CLYBL: variants seen among roughly 807,000 people sequenced by gnomAD.
CLYBL encodes the protein citramalyl-CoA lyase, also known as citramalyl-CoA lyase, mitochondrial.
Under a neutral mutation model 38.9 loss-of-function variants are expected in CLYBL, and 31 were observed. That is an observed-to-expected ratio of 0.80 (90% CI 0.60 to 1.08). CLYBL has a LOEUF of 1.08. Among genes scored for constraint, CLYBL ranks in the 50% least tolerant of loss-of-function variants. CLYBL has a pLI of 0.00. For synonymous variants in CLYBL, 171 were observed against 158.6 expected (o/e 1.08, Z -0.59); for missense variants, 434 against 411.6 (o/e 1.05, Z -0.47).
intron 1 of CLYBL, among the ~76,000 whole-genome samples, chr13:99,736,863 G>A (rs1220192089): frequency 6.6e-6 from 1 of 152,140 alleles, no homozygotes; most frequent in African/African-American, 2.4e-5. Flanking sequence ...CCCCAAGGCT[G>A]AATTTTGTCC....
chr13:99,681,190 A>G (rs1358591841), intron 1 of CLYBL, among the ~76,000 whole-genome samples: 2 of 152,182 alleles, frequency 1.3e-5, no homozygotes, highest in Non-Finnish European at 2.9e-5. Context: ...GAGATAAAGT[A>G]CGTTATTGGG....
At chr13:99,861,579 C>G (rs1040811983) in intron 3 of CLYBL, among the ~76,000 whole-genome samples, 3 of 152,178 alleles carry the variant, frequency 2.0e-5, no homozygotes, top group Non-Finnish European at 4.4e-5. Flanking sequence ...TAAATTGTCA[C>G]CCCCTGCTCC....
At chr13:99,751,716 G>A (rs9557288) in intron 1 of CLYBL, among the ~76,000 whole-genome samples, 25,645 of 152,146 alleles carry the variant, frequency 0.17, 3,020 homozygotes, top group East Asian at 0.37. Context: ...TTTGCAAGAT[G>A]AAGAGTTCTG....
Position 99,887,291 on chromosome 13 carries a change from C to G in CLYBL, c.928-4027C>G, listed in dbSNP as rs2052374755. On this transcript the variant is annotated intron_variant, in intron 7 of 8. Transcript: ENST00000339105. ...GGGTCACAGAACACACTCAGAGAAC[C>G]CTTTTCAATCACCAGGCCCCTAAGA... Among the ~76,000 whole-genome samples, 4 of 152,126 alleles carry G rather than the reference C, an allele frequency of 2.6e-5. No individual in the cohort carries two copies. In the South Asian group the frequency reaches 8.3e-4, roughly 32 times the overall value.
At chr13:99,645,057 A>G (rs946039306) in intron 1 of CLYBL, among the ~76,000 whole-genome samples, 6 of 152,158 alleles carry the variant, frequency 3.9e-5, no homozygotes, top group Non-Finnish European at 7.4e-5. Flanking sequence ...GCTGGGTCAT[A>G]TGGTAGTTCT....
intron 2 of CLYBL, among the ~76,000 whole-genome samples, chr13:99,818,548 T>C (rs2050509085): frequency 6.6e-6 from 1 of 152,056 alleles, no homozygotes. Context: ...ACTACTATTA[T>C]GCTAATCCTC....
At chr13:99,674,208 A>G (rs777956493) in intron 1 of CLYBL, among the ~76,000 whole-genome samples, 9 of 126,832 alleles carry the variant, frequency 7.1e-5, no homozygotes, top group African/African-American at 1.3e-4. Context: ...CTGGAGTGCA[A>G]TGGTGTGGTC....
At chr13:99,880,050 G>GTATA (rs4001018) in intron 7 of CLYBL, among the ~76,000 whole-genome samples, 3,799 of 97,408 alleles carry the variant, frequency 0.039, 323 homozygotes, top group African/African-American at 0.13. Context: ...ATGTGTGTAT[G>GTATA]TATATATATA....
At chr13:99,867,291 T>A (rs1418910668) in intron 6 of CLYBL, among the ~76,000 whole-genome samples, 4 of 152,212 alleles carry the variant, frequency 2.6e-5, no homozygotes, top group African/African-American at 9.7e-5. Context: ...ATTCCTGTTA[T>A]AACTGTTTTT....
Position 99,671,648 on chromosome 13 carries a change from T to C in CLYBL, c.62+64891T>C, listed in dbSNP as rs555211157. Among the ~76,000 whole-genome samples, 3 of 151,982 alleles carry C rather than the reference T, an allele frequency of 2.0e-5. No individual in the cohort carries two copies. In the South Asian group the frequency reaches 6.2e-4, roughly 32 times the overall value. ...TACAAAAATTAGCCAGGTGTGATGGTGCGTGCCTGTAATCCCAGCTACTCG... is the reference window on the plus strand; with the variant it reads ...TACAAAAATTAGCCAGGTGTGATGGCGCGTGCCTGTAATCCCAGCTACTCG... On this transcript the variant is annotated intron_variant, in intron 1 of 8. Transcript: ENST00000339105.
At chr13:99,672,030 G>A (rs949240792) in intron 1 of CLYBL, among the ~76,000 whole-genome samples, 3 of 152,130 alleles carry the variant, frequency 2.0e-5, no homozygotes, top group African/African-American at 7.2e-5. Flanking sequence ...TGATTCTTGA[G>A]TGATGGGTAT....
chr13:99,716,169 ATTTTTTTTTTTTTTTTTTTT>A (rs4001024), intron 1 of CLYBL, among the ~76,000 whole-genome samples: 421 of 33,470 alleles, frequency 0.013, 14 homozygotes, highest in African/African-American at 0.036. Context: ...TATTGGTGTA[ATTTTTTTTTTTTTTTTTTTT>A]TTTTTTTTTT....
intron 1 of CLYBL, among the ~76,000 whole-genome samples, chr13:99,653,957 C>T (rs1399116301): frequency 6.6e-6 from 1 of 152,176 alleles, no homozygotes; most frequent in Non-Finnish European, 1.5e-5. Flanking sequence ...CTTCCCCCCT[C>T]ACTTGAAACA....
At chr13:99,899,024 T>C (rs1178567364), downstream of CLYBL, among the ~76,000 whole-genome samples, 1 of 152,222 alleles carries the variant, frequency 6.6e-6, no homozygotes, top group Non-Finnish European at 1.5e-5. Context: ...ATGCTGGCTC[T>C]ACCACTAATG....
At chr13:99,635,305 G>GC (rs919248401) in intron 1 of CLYBL, among the ~76,000 whole-genome samples, 1 of 151,722 alleles carries the variant, frequency 6.6e-6, no homozygotes, top group African/African-American at 2.4e-5. Flanking sequence ...TCTGCACCAC[G>GC]CCCCCCACAC....
chr13:99,865,468 A>G lies in CLYBL; in HGVS notation c.634+557A>G, dbSNP rs2139227775. ...CACCATCCCTTGTGAGCTGCACTTG[A>G]GGGGTCTGCATGTTTGACTGGAGAC... is the stretch of plus-strand genomic sequence containing the variant. On this transcript the variant is annotated intron_variant, in intron 5 of 8. Coordinates refer to ENST00000339105, the MANE Select transcript of CLYBL (RefSeq NM_206808.5). The surrounding 1 kb of genome is among the most constrained non-coding windows in gnomAD (Gnocchi z 4.7). Among the ~76,000 whole-genome samples the G allele has an allele frequency of 6.6e-6, 1 of 152,268 alleles. No homozygotes were observed. The highest frequency in any genetic ancestry group is 2.1e-4 in the South Asian group (1 of 4,818).
rs1207892389 is a variant in CLYBL at position 99,832,999 on chromosome 13, CATACATACATATATATAT to C, written c.250-25858_250-25841del. ...CATTTCATTAAGTAGTATATACATACATACATACATATATATATATATATATATATATTTTTTTTTTTT... is the reference window on the plus strand; with the variant it reads ...CATTTCATTAAGTAGTATATACATACATATATATATATATTTTTTTTTTTT... On this transcript the variant is annotated intron_variant, in intron 2 of 8. Transcript: ENST00000339105. Among the ~76,000 whole-genome samples the C allele has an allele frequency of 2.0e-4, 11 of 53,680 alleles. 2 individuals carry two copies. Among genetic ancestry groups the C allele is most frequent in the East Asian group, 7.7e-4 (1 of 1,292 alleles). The allele number at this position is 53,680 out of a possible 152,430, so 35.2% of individuals were successfully genotyped here. A position where few individuals can be genotyped will look rare whatever the true frequency, so the allele number is the denominator to read the frequency against.
intron 1 of CLYBL, among the ~76,000 whole-genome samples, chr13:99,670,006 AACATAGTG>A (rs1297261585): frequency 2.0e-5 from 3 of 149,804 alleles, no homozygotes; most frequent in African/African-American, 7.4e-5. Context: ...CAGCCTGGCC[AACATAGTG>A]AAACCCCGTC....
intron 1 of CLYBL, among the ~76,000 whole-genome samples, chr13:99,736,389 A>G (rs2048668822): frequency 6.6e-6 from 1 of 151,868 alleles, no homozygotes; most frequent in Non-Finnish European, 1.5e-5. Context: ...ATCTCATTGG[A>G]GAGCAAAAGA....
Sources: allele counts gnomAD v4.1 joint callset (sites outside exome capture counted in the v4.1 genomes callset), GRCh38; gene constraint gnomAD v4.1.1; non-coding constraint Gnocchi (gnomAD v3.1); transcripts MANE v1.5; gene names NCBI Gene and HGNC (gene_info 2026-07-23, HGNC 2026-07-21).